BTBD16: variants seen among roughly 807,000 people sequenced by gnomAD.
BTBD16 encodes the protein BTB/POZ domain-containing protein 16.
A neutral mutation model predicts 67.4 loss-of-function variants in BTBD16; 66 were observed. The observed-to-expected ratio is 0.98, with a 90% confidence interval of 0.80 to 1.20. BTBD16 has a LOEUF of 1.20. BTBD16 is among the 50% of genes most tolerant of loss of function. The probability of loss-of-function intolerance (pLI) is 0.00; values close to 1 mark genes in which losing one functional copy is unlikely to be tolerated. For missense variants in BTBD16, 634 were observed against 616.0 expected (o/e 1.03, Z -0.31); for synonymous variants, 242 against 236.4 (o/e 1.02, Z -0.22).
intron 14 of BTBD16, 72 bp downstream of exon 14, chr10:122,335,051 T>G (rs2096461440): frequency 1.4e-6 from 1 of 726,532 alleles, no homozygotes; most frequent in Admixed American, 2.8e-5. Context: ...CATGTTGAAT[T>G]AATAATAATT....
Position 122,329,418 on chromosome 10 carries a change from C to T in BTBD16, c.912-62C>T, listed in dbSNP as rs377485037. On this transcript the variant is annotated intron_variant, in intron 10 of 15. Coordinates refer to ENST00000260723, the MANE Select transcript of BTBD16 (RefSeq NM_144587.5). The stretch of plus-strand genomic sequence containing the variant: ...CTCTACAACATGGCTTTCCCTAGCC[C>T]GAGCTAATTCCAGAGAGGAGTTTGC... The T allele has an allele frequency of 2.2e-5, 34 of 1,530,496 alleles. No homozygotes were observed. The East Asian group carries it at 3.4e-4, about 15-fold the overall frequency. The allele number at this position is 1,530,496 out of a possible 1,614,324, so 94.8% of individuals were successfully genotyped here. A position where few individuals can be genotyped will look rare whatever the true frequency, so the allele number is the denominator to read the frequency against.
chr10:122,274,855 AC>A (rs1355933459), intron 1 of BTBD16, among the ~76,000 whole-genome samples, 184 bp from the exon 2 acceptor site: 1 of 152,000 alleles, frequency 6.6e-6, no homozygotes, highest in Non-Finnish European at 1.5e-5. Flanking sequence ...TACAAAAAAA[AC>A]AAAAAACAAA....
At chr10:122,304,412 C>A (rs2056149164) in intron 9 of BTBD16, among the ~76,000 whole-genome samples, 1 of 152,086 alleles carries the variant, frequency 6.6e-6, no homozygotes, top group Non-Finnish European at 1.5e-5. Context: ...GGTGCAATGT[C>A]CATGGTCAGA....
chr10:122,285,475 T>C (rs1314641390), intron 4 of BTBD16, among the ~76,000 whole-genome samples: 1 of 152,160 alleles, frequency 6.6e-6, no homozygotes, highest in East Asian at 1.9e-4. Context: ...GCTATTGCCT[T>C]TCAGATGGGT....
rs1564967878 is a variant in BTBD16 at position 122,289,976 on chromosome 10, T to C, written c.453T>C (p.Asn151=). Reference sequence around the variant, plus strand: ...GGATCATCATTTCCTTGAAGATCAATGACCCACTGGTCACTAAAGTCGGTA... The same window carrying C: ...GGATCATCATTTCCTTGAAGATCAACGACCCACTGGTCACTAAAGTCGGTA... The part of the protein sequence containing the change: ...AKRIIISLKI[N]DPLVTKVAFA... The change falls in exon 6 of 16, where the codon AAT becomes AAC. Residue 151 remains asparagine, a synonymous_variant. Transcript: ENST00000260723. 5 of 1,613,444 alleles carry C rather than the reference T, an allele frequency of 3.1e-6. No homozygotes were observed. The South Asian group carries it at 3.3e-5, about 11-fold the overall frequency.
intron 10 of BTBD16, among the ~76,000 whole-genome samples, chr10:122,318,223 T>C (rs755777798): frequency 1.2e-4 from 19 of 152,210 alleles, no homozygotes; most frequent in Non-Finnish European, 2.1e-4. Context: ...TAGAATGTTA[T>C]ATAAATAAAT....
chr10:122,331,687 G>T (rs1484796068), intron 12 of BTBD16, among the ~76,000 whole-genome samples: 3 of 152,128 alleles, frequency 2.0e-5, no homozygotes, highest in African/African-American at 7.2e-5. Context: ...TTTCCATGCG[G>T]CATTTCCCCT....
At chr10:122,327,759 T>G (rs1222044434) in intron 10 of BTBD16, among the ~76,000 whole-genome samples, 2 of 152,198 alleles carry the variant, frequency 1.3e-5, no homozygotes, top group Non-Finnish European at 2.9e-5. Context: ...CTGAATGGCC[T>G]TCGAGTCTGA....
At chr10:122,284,148 G>A (rs557981871) in intron 4 of BTBD16, among the ~76,000 whole-genome samples, 8 of 152,174 alleles carry the variant, frequency 5.3e-5, no homozygotes, top group South Asian at 2.1e-4. Flanking sequence ...TATGCTCCTC[G>A]CCATGATAAA....
At chr10:122,331,089 C>A in intron 11 of BTBD16, 87 bp from the exon 12 acceptor site, 4 of 1,529,940 alleles carry the variant, frequency 2.6e-6, no homozygotes, top group South Asian at 1.3e-5. Flanking sequence ...CAGCTCCGGA[C>A]TTCTTCCTTT....
At chr10:122,276,396 T>A (rs2096340599) in intron 2 of BTBD16, among the ~76,000 whole-genome samples, 2 of 148,006 alleles carry the variant, frequency 1.4e-5, no homozygotes, top group Non-Finnish European at 3.0e-5. Context: ...ATTAAAAAAA[T>A]TCCTTGCCCA....
chr10:122,335,494 G>A (rs986087876), intron 14 of BTBD16, among the ~76,000 whole-genome samples: 2 of 152,222 alleles, frequency 1.3e-5, no homozygotes, highest in African/African-American at 2.4e-5. Context: ...TGGAGAGTCC[G>A]CAGGTGAACG....
At chr10:122,305,298 C>A (rs987024589) in intron 9 of BTBD16, among the ~76,000 whole-genome samples, 4 of 152,178 alleles carry the variant, frequency 2.6e-5, no homozygotes, top group African/African-American at 9.7e-5. Flanking sequence ...AGATGTGTGT[C>A]CCCACCAAAT....
rs961125761 is a variant in BTBD16, at chr10:122,331,644, T to C, written c.1086+386T>C. ...AACAACCGCGTCTCATTTTTTAACA[T>C]GTATTTCTTTTATTACTGGTGACTA... On this transcript the variant is annotated intron_variant, in intron 12 of 15. Transcript: ENST00000260723. 2.6e-5 allele frequency among the ~76,000 whole-genome samples: 4 copies of C among 152,248 alleles called. No individual in the cohort carries two copies. In the East Asian group the frequency reaches 5.8e-4, roughly 22 times the overall value.
At chr10:122,295,740 C>G (rs1040642603) in intron 7 of BTBD16, among the ~76,000 whole-genome samples, 2 of 152,134 alleles carry the variant, frequency 1.3e-5, no homozygotes, top group African/African-American at 4.8e-5. Context: ...ACAGCAGCGC[C>G]TCATGTTTAC....
At position 122,307,188 on chromosome 10, in the gene BTBD16, G is replaced by A; in HGVS notation, c.792-1G>A. 1 of 1,590,822 alleles carries A rather than the reference G, an allele frequency of 6.3e-7. No homozygotes were observed. On this transcript the variant is annotated splice_acceptor_variant, in intron 9 of 15. Coordinates refer to ENST00000260723, the MANE Select transcript of BTBD16 (RefSeq NM_144587.5). LOFTEE classifies it high-confidence loss of function. ...CTTCTCAATCTTTTTATTTTGGCCA[G>A]GTTATTTACCTTTAGTGAATTCCAT...
At chr10:122,318,484 A>C (rs1409121786) in intron 10 of BTBD16, among the ~76,000 whole-genome samples, 1 of 152,178 alleles carries the variant, frequency 6.6e-6, no homozygotes, top group African/African-American at 2.4e-5. Flanking sequence ...CATTTCTTTT[A>C]AGTAAATAAA....
chr10:122,298,129 T>A (rs1651501422), intron 8 of BTBD16, among the ~76,000 whole-genome samples: 2 of 152,182 alleles, frequency 1.3e-5, no homozygotes, highest in African/African-American at 2.4e-5. Context: ...CAGAACATTC[T>A]TGCTGGAGTT....
chr10:122,294,889 C>A (rs1216352531), intron 7 of BTBD16, among the ~76,000 whole-genome samples: 1 of 152,252 alleles, frequency 6.6e-6, no homozygotes, highest in Non-Finnish European at 1.5e-5. Flanking sequence ...AACTCCAAGC[C>A]CAGCTAGTGC....
Sources: gnomAD v4.1 joint callset for allele counts (sites outside exome capture counted in the v4.1 genomes callset) on GRCh38, gnomAD v4.1.1 for gene constraint, MANE v1.5 for transcripts, NCBI Gene and HGNC (gene_info 2026-07-23, HGNC 2026-07-21) for gene names.